GIPC2: variants seen among roughly 807,000 people sequenced by gnomAD.
The protein encoded by GIPC2 is PDZ domain-containing protein GIPC2.
GIPC2 carries 30 observed loss-of-function variants against 30.6 expected under a neutral mutation model. The observed-to-expected ratio is 0.98, with a 90% CI of 0.73 to 1.33. The LOEUF is 1.33. GIPC2 is among the 40% of genes most tolerant of loss of function. The pLI is 0.00. For synonymous variants in GIPC2, 167 were observed against 150.0 expected, an observed-to-expected ratio of 1.11 and a Z score of -0.83; for missense variants, 414 against 390.3, an observed-to-expected ratio of 1.06 and a Z score of -0.51.
intron 1 of GIPC2, among the ~76,000 whole-genome samples, chr1:78,078,376 A>T (rs1351267502): frequency 6.6e-6 from 1 of 152,132 alleles, no homozygotes; most frequent in Non-Finnish European, 1.5e-5. Flanking sequence ...GAAGTCATGG[A>T]GCTTTAGTTA....
At chr1:78,112,012 C>T (rs1396479909) in intron 3 of GIPC2, among the ~76,000 whole-genome samples, 2 of 152,152 alleles carry the variant, frequency 1.3e-5, no homozygotes, top group Non-Finnish European at 2.9e-5. Context: ...CATCGTGATA[C>T]CACATTTGAA....
At chr1:78,121,273 C>T (rs990297944) in intron 4 of GIPC2, among the ~76,000 whole-genome samples, 33 of 152,100 alleles carry the variant, frequency 2.2e-4, no homozygotes, top group African/African-American at 6.0e-4. Context: ...AAAGCCCTCC[C>T]GTGGGCAGAT....
At chr1:78,125,273 C>T (rs1012427951) in intron 4 of GIPC2, among the ~76,000 whole-genome samples, 2 of 152,166 alleles carry the variant, frequency 1.3e-5, no homozygotes, top group Non-Finnish European at 2.9e-5. Flanking sequence ...CTCTCAGGTT[C>T]AAGTGATCCT....
intron 3 of GIPC2, among the ~76,000 whole-genome samples, chr1:78,118,161 G>A (rs1382755543): frequency 1.3e-5 from 2 of 150,950 alleles, no homozygotes; most frequent in African/African-American, 2.4e-5. Context: ...GGGCTCAAGC[G>A]ATCTGCCTGC....
intron 3 of GIPC2, among the ~76,000 whole-genome samples, chr1:78,113,863 ATTTTTTT>A (rs35608832): frequency 9.5e-5 from 13 of 137,274 alleles, no homozygotes; most frequent in Non-Finnish European, 1.1e-4. Flanking sequence ...GCCCATACCT[ATTTTTTT>A]TTTTTTTTGC....
intron 1 of GIPC2, among the ~76,000 whole-genome samples, chr1:78,068,419 C>G (rs536381497): frequency 2.6e-4 from 40 of 152,234 alleles, no homozygotes; most frequent in Admixed American, 8.5e-4. Context: ...CTACCACTGC[C>G]TTTCCTCAAC....
Position 78,056,486 on chromosome 1 carries a change from GAA to G in GIPC2, c.240+10157_240+10158del, listed in dbSNP as rs375880828. Among the ~76,000 whole-genome samples the G allele has an allele frequency of 1.7e-3, 255 of 152,126 alleles. 4 individuals carry two copies. Among genetic ancestry groups the G allele is most frequent in the African/African-American group, 5.9e-3 (246 of 41,510 alleles). On this transcript the variant is annotated intron_variant, in intron 1 of 5. Transcript: ENST00000370759. ...AAAGCCCTGTCTCAAAAAAACAAAA[GAA>G]AAAATTATTACAGAAATTTTAAATA...
chr1:78,113,697 C>G (rs1662516200), intron 3 of GIPC2, among the ~76,000 whole-genome samples: 2 of 152,080 alleles, frequency 1.3e-5, no homozygotes, highest in South Asian at 4.1e-4. Context: ...CCTAAAATTT[C>G]TAATAGAGAC....
chr1:78,097,856 G>A (rs633580), intron 3 of GIPC2, among the ~76,000 whole-genome samples: 136,170 of 152,188 alleles, frequency 0.89, 61,079 homozygotes, highest in African/African-American at 0.95. Flanking sequence ...ATTATTTTCT[G>A]TTTTCATATC....
chr1:78,098,007 T>A (rs1414632886), intron 3 of GIPC2, among the ~76,000 whole-genome samples: 1 of 152,142 alleles, frequency 6.6e-6, no homozygotes, highest in African/African-American at 2.4e-5. Flanking sequence ...TCCTTATAGG[T>A]AGGAAAAAAG....
At position 78,119,431 on chromosome 1, in the gene GIPC2, GA is replaced by G; in HGVS notation, c.652del (p.Ile218LeufsTer10). The G allele has an allele frequency of 1.2e-6, 2 of 1,612,898 alleles. No homozygotes were observed. The highest frequency in any genetic ancestry group is 1.7e-6 in the Non-Finnish European group (2 of 1,178,992). On this transcript the variant is annotated frameshift_variant, in exon 4 of 6. Transcript: ENST00000370759. LOFTEE classifies it high-confidence loss of function. ...LRSKAGKSSG[E>X]KIGCGRATLR... is the part of the protein sequence containing the mutation. ...GTCAAAGGCTGGAAAGTCATCAGGA[GA>G]AAAAATTGGTTGTGGAAGGGCAACA...
intron 2 of GIPC2, chr1:78,091,544 C>A: frequency 1.3e-6 from 1 of 754,280 alleles, no homozygotes; most frequent in Admixed American, 1.8e-5. Flanking sequence ...GGAGGACCTG[C>A]TCCTGCAGGA....
At chr1:78,053,306 T>TGGTC (rs1661227675) in intron 1 of GIPC2, among the ~76,000 whole-genome samples, 2 of 152,182 alleles carry the variant, frequency 1.3e-5, no homozygotes, top group Non-Finnish European at 2.9e-5. Flanking sequence ...ATAGGTTTAC[T>TGGTC]AAGATTCCTG....
intron 5 of GIPC2, among the ~76,000 whole-genome samples, chr1:78,131,655 A>G (rs1662900900): frequency 6.6e-6 from 1 of 152,180 alleles, no homozygotes; most frequent in South Asian, 2.1e-4. Context: ...TTTCTCTTAA[A>G]TCAGAGCTAT....
At chr1:78,065,636 T>C (rs1447353518) in intron 1 of GIPC2, among the ~76,000 whole-genome samples, 1 of 152,192 alleles carries the variant, frequency 6.6e-6, no homozygotes, top group Non-Finnish European at 1.5e-5. Flanking sequence ...TCATGTTATC[T>C]GAGTTCAAAA....
intron 1 of GIPC2, among the ~76,000 whole-genome samples, chr1:78,063,527 A>C (rs1194573183): frequency 6.6e-6 from 1 of 151,556 alleles, no homozygotes; most frequent in East Asian, 2.0e-4. Context: ...AAAACAAAAA[A>C]CATGAAGCAG....
intron 1 of GIPC2, among the ~76,000 whole-genome samples, chr1:78,052,474 T>A (rs950582845): frequency 1.3e-5 from 2 of 152,174 alleles, no homozygotes; most frequent in African/African-American, 4.8e-5. Context: ...TAAAACCTAG[T>A]GTCTTTAGCA....
intron 3 of GIPC2, among the ~76,000 whole-genome samples, chr1:78,101,219 C>G (rs1217026346): frequency 6.6e-6 from 1 of 152,062 alleles, no homozygotes; most frequent in Non-Finnish European, 1.5e-5. Flanking sequence ...AGCCTTTATC[C>G]AAGTACTCAA....
intron 3 of GIPC2, among the ~76,000 whole-genome samples, chr1:78,099,850 A>G (rs570645017): frequency 1.4e-4 from 21 of 151,690 alleles, no homozygotes; most frequent in Non-Finnish European, 2.2e-4. Context: ...AGAATAAGCA[A>G]AGTTACAGAG....
Sources: allele counts gnomAD v4.1 joint callset (sites outside exome capture counted in the v4.1 genomes callset), GRCh38; gene constraint gnomAD v4.1.1; transcripts MANE v1.5; gene names NCBI Gene and HGNC (gene_info 2026-07-23, HGNC 2026-07-21).